The following LAMA1 variants were observed in gnomAD, a reference collection of about 807,000 sequenced individuals.
LAMA1 encodes laminin subunit alpha-1.
LAMA1 carries 219 observed loss-of-function variants against 348.7 expected under a neutral mutation model. The ratio of observed to expected loss-of-function variants is 0.63; its 90% CI spans 0.56 to 0.70. The LOEUF (loss-of-function observed/expected upper bound fraction) is 0.70, where lower values mean the gene tolerates loss of function less well. LAMA1 is among the 30% of genes least tolerant of loss of function. The probability of loss-of-function intolerance (pLI) is 0.00; values close to 1 mark genes in which losing one functional copy is unlikely to be tolerated. For synonymous variants in LAMA1, 1,487 were observed against 1,491.0 expected (o/e 1.00, Z 0.06); for missense variants, 3,744 against 3,888.0 (o/e 0.96, Z 0.99).
chr18:7,078,267 C>G (rs1338949297), intron 3 of LAMA1, among the ~76,000 whole-genome samples: 2 of 150,292 alleles, frequency 1.3e-5, no homozygotes, highest in South Asian at 2.1e-4. Context: ...CCTGGGTTCA[C>G]GCCATTCTCC....
At chr18:6,965,683 C>T (rs758659606) in intron 49 of LAMA1, 14 of 514,438 alleles carry the variant, frequency 2.7e-5, no homozygotes, top group African/African-American at 3.8e-5. Context: ...GGAATCTCCT[C>T]GTATCTTTTT....
intron 12 of LAMA1, among the ~76,000 whole-genome samples, 162 bp downstream of exon 12, chr18:7,037,416 G>C (rs912834195): frequency 6.6e-6 from 1 of 152,190 alleles, no homozygotes; most frequent in African/African-American, 2.4e-5. Flanking sequence ...AACAAGGCTA[G>C]AAAACCTTCT....
chr18:6,985,387 T>C lies in LAMA1; in HGVS notation c.5510A>G (p.His1837Arg). The change falls in exon 39 of 63, where the codon CAC (histidine) becomes CGC (arginine). Residue 1837 changes from histidine to arginine, a missense_variant. His to Arg is a conservative substitution (Grantham distance 29, BLOSUM62 0). This residue lies in a region of LAMA1 where 1,983 missense variants were observed against 1,934.3 expected (regional missense o/e 1.03). Transcript: ENST00000389658. ...VQDALEHLED[H>R]QDKLLLWSAK... ...AGACCATAAAAGTAGCTTATCCTGG[T>C]GATCCTCTAAGTGCTACATGGAGAA... The C allele has an allele frequency of 6.2e-7, 1 of 1,614,236 alleles. No individual in the cohort carries two copies. The highest frequency in any genetic ancestry group is 8.5e-7 in the Non-Finnish European group (1 of 1,180,046).
intron 43 of LAMA1, 116 bp downstream of exon 43, chr18:6,978,080 G>T: frequency 7.1e-7 from 1 of 1,414,542 alleles, no homozygotes; most frequent in Non-Finnish European, 1.0e-6. Flanking sequence ...TAATCCAGAT[G>T]TTAGCATACT....
At chr18:6,980,913 T>C (rs2057708667) in intron 41 of LAMA1, among the ~76,000 whole-genome samples, 1 of 151,970 alleles carries the variant, frequency 6.6e-6, no homozygotes, top group African/African-American at 2.4e-5. Context: ...GCTAACACAG[T>C]GAAACCCCGT....
chr18:6,984,993 T>G (rs952116692), intron 39 of LAMA1, among the ~76,000 whole-genome samples: 3 of 152,224 alleles, frequency 2.0e-5, no homozygotes, highest in African/African-American at 7.2e-5. Flanking sequence ...ATATTAATAT[T>G]ATACTGTAGC....
rs1442386935 is a variant in LAMA1, at chr18:7,026,083, G to A, written c.2298C>T (p.Gly766=). ...VCIACAHNTT[G]VHCEQCLPGF... is the part of the protein sequence containing the mutation. ...CGGGCAAGCACTGCTCACAGTGGACGCCGGTGGTGTTGTGCGCACACGCCT... is the reference window on the plus strand; with the variant it reads ...CGGGCAAGCACTGCTCACAGTGGACACCGGTGGTGTTGTGCGCACACGCCT... Residue 766 remains glycine (G), a synonymous_variant, in exon 17 of 63, where the codon GGC becomes GGT. Transcript: ENST00000389658. The A allele has an allele frequency of 4.3e-6, 7 of 1,611,282 alleles. No individual in the cohort carries two copies. The highest frequency in any genetic ancestry group is 3.4e-6 in the Non-Finnish European group (4 of 1,178,664).
At chr18:7,048,850 G>T (rs1279095119) in intron 5 of LAMA1, among the ~76,000 whole-genome samples, 1 of 152,078 alleles carries the variant, frequency 6.6e-6, no homozygotes, top group Non-Finnish European at 1.5e-5. Flanking sequence ...GGCACTATGG[G>T]GACGGGGTGG....
intron 29 of LAMA1, among the ~76,000 whole-genome samples, chr18:7,004,809 C>A (rs1220828562): frequency 6.6e-6 from 1 of 152,108 alleles, no homozygotes; most frequent in African/African-American, 2.4e-5. Flanking sequence ...CTGCACTAAA[C>A]CACAAAAGGA....
chr18:7,097,178 C>T (rs899576260), intron 1 of LAMA1, among the ~76,000 whole-genome samples: 5 of 151,988 alleles, frequency 3.3e-5, no homozygotes, highest in South Asian at 2.1e-4. Flanking sequence ...ATTGTAATAA[C>T]GAGATCCTGG....
intron 3 of LAMA1, among the ~76,000 whole-genome samples, chr18:7,061,918 G>C (rs2058103334): frequency 6.6e-6 from 1 of 152,134 alleles, no homozygotes; most frequent in South Asian, 2.1e-4. Context: ...TGTGCCCTGG[G>C]GGAGAGAGTC....
intron 12 of LAMA1, among the ~76,000 whole-genome samples, chr18:7,036,640 T>A (rs1472063952): frequency 9.9e-5 from 15 of 151,742 alleles, no homozygotes; most frequent in African/African-American, 3.6e-4. Context: ...AGAAGTGATA[T>A]CAAGAGAAAA....
At chr18:6,978,006 T>G (rs2057690417) in intron 43 of LAMA1, 125 bp from the exon 44 acceptor site, 3 of 1,291,136 alleles carry the variant, frequency 2.3e-6, no homozygotes, top group East Asian at 4.7e-5. Flanking sequence ...CATGACATTG[T>G]GGTACAAAGA....
intron 16 of LAMA1, among the ~76,000 whole-genome samples, chr18:7,027,080 C>T (rs776463687): frequency 2.6e-5 from 4 of 151,652 alleles, no homozygotes; most frequent in Admixed American, 6.6e-5. Context: ...CCTAAGGAGA[C>T]ACAACAATAA....
chr18:6,959,389 G>T lies in LAMA1; in HGVS notation c.7730C>A (p.Thr2577Asn). Residue 2577 changes from threonine (T) to asparagine (N), a missense_variant, in exon 54 of 63, where the codon ACC becomes AAC. Thr to Asn is a moderately conservative substitution (Grantham distance 65). Coordinates refer to ENST00000389658, the MANE Select transcript of LAMA1 (RefSeq NM_005559.4). ...GGAATGCGCTTGTCCATCACTGCAG[G>T]TACCCGTGGGAGCGTGCAGGAGAGC... ...RKALLHAPTG[T>N]CSDGQAHSIS... 1 of 1,614,146 alleles carries T rather than the reference G, an allele frequency of 6.2e-7. No homozygotes were observed. The highest frequency in any genetic ancestry group is 8.5e-7 in the Non-Finnish European group (1 of 1,180,036).
intron 3 of LAMA1, among the ~76,000 whole-genome samples, chr18:7,060,145 A>G (rs751487629): frequency 1.3e-5 from 2 of 152,204 alleles, no homozygotes; most frequent in Non-Finnish European, 2.9e-5. Flanking sequence ...TAGGGAGCTG[A>G]GAGGGAAGGA....
intron 43 of LAMA1, 58 bp from the exon 44 acceptor site, chr18:6,977,939 A>G (rs781423288): frequency 1.7e-5 from 27 of 1,567,242 alleles, no homozygotes; most frequent in East Asian, 6.7e-5. Context: ...GAAAAACAAG[A>G]TAATTAATTG....
At chr18:7,008,979 G>GT (rs1032966753) in intron 27 of LAMA1, among the ~76,000 whole-genome samples, 9 of 150,822 alleles carry the variant, frequency 6.0e-5, no homozygotes, top group Non-Finnish European at 8.8e-5. Flanking sequence ...AACAGCAATT[G>GT]TTTTTTTTGC....
intron 56 of LAMA1, 164 bp downstream of exon 56, chr18:6,956,472 C>A: frequency 8.3e-7 from 1 of 1,201,362 alleles, no homozygotes; most frequent in East Asian, 2.4e-5. Context: ...TTGAGGCACC[C>A]TTTCCCTCCC....
Sources: gnomAD v4.1 joint callset for allele counts (sites outside exome capture counted in the v4.1 genomes callset) on GRCh38, gnomAD v4.1.1 for gene constraint, gnomAD v4.1.1 regional missense constraint, MANE v1.5 for transcripts, NCBI Gene and HGNC (gene_info 2026-07-23, HGNC 2026-07-21) for gene names.